ARMC3: variants seen among roughly 807,000 people sequenced by gnomAD.
ARMC3 encodes the protein armadillo repeat-containing protein 3.
Under a neutral mutation model 90.3 loss-of-function variants are expected in ARMC3, and 74 were observed. The observed-to-expected ratio is 0.82, with a 90% CI of 0.68 to 0.99. The LOEUF (loss-of-function observed/expected upper bound fraction) is 0.99. Among genes scored for constraint, ARMC3 ranks in the 50% least tolerant of loss-of-function variants. ARMC3 has a pLI of 0.00. For missense variants in ARMC3, 958 were observed against 1,042.8 expected (o/e 0.92, Z 1.12); for synonymous variants, 334 against 361.8 (o/e 0.92, Z 0.87).
Position 22,981,490 on chromosome 10 carries a change from A to T in ARMC3, c.1067A>T (p.Gln356Leu), listed in dbSNP as rs760773131. 3.7e-6 allele frequency: 6 copies of T among 1,613,470 alleles called. No homozygotes were observed. The East Asian group carries it at 8.9e-5, about 24-fold the overall frequency. The stretch of plus-strand genomic sequence containing the variant: ...GGCAGCAAAGATTTTTTCAATAATC[A>T]GGGTAAGTCAACTGGAAACAATTCT... ...NSGSKDFFNN[Q>L]GIPQLIQLLK... The change falls in exon 9 of 19, where the codon CAG becomes CTG. Residue 356 changes from glutamine (Q) to leucine (L), a missense_variant and splice_region_variant. Physicochemically the swap from Gln to Leu is moderately radical, Grantham distance 113. Coordinates refer to ENST00000298032, the MANE Select transcript of ARMC3 (RefSeq NM_173081.5).
chr10:23,001,882 C>T (rs374676740), intron 11 of ARMC3, 37 bp from the exon 12 acceptor site: 22 of 1,596,314 alleles, frequency 1.4e-5, no homozygotes, highest in African/African-American at 4.0e-5. Context: ...TTACATTCTA[C>T]ACTCTTAATG....
At chr10:22,955,686 G>T (rs376189343) in intron 3 of ARMC3, 121 bp from the exon 4 acceptor site, 1 of 1,219,044 alleles carries the variant, frequency 8.2e-7, no homozygotes. Flanking sequence ...AGGGAAATAC[G>T]AACGGAAGCC....
intron 2 of ARMC3, among the ~76,000 whole-genome samples, chr10:22,941,661 T>TAATA (rs1834334218): frequency 6.6e-6 from 1 of 152,176 alleles, no homozygotes; most frequent in African/African-American, 2.4e-5. Flanking sequence ...TTCTCTGATG[T>TAATA]AATAGAACAT....
chr10:22,949,839 G>A lies in ARMC3; in HGVS notation c.166+3578G>A, dbSNP rs557419614. 2.0e-5 allele frequency among the ~76,000 whole-genome samples: 3 copies of A among 152,108 alleles called. No individual in the cohort carries two copies. In the East Asian group the frequency reaches 5.8e-4, roughly 29 times the overall value. ...CAAATTGCTTAAAATCAGTGATAAA[G>A]AGAAAATCTTAAAAGAAGCCAGAAT... On this transcript the variant is annotated intron_variant, in intron 3 of 18. Transcript: ENST00000298032.
chr10:23,005,598 C>T (rs184394960), intron 13 of ARMC3, among the ~76,000 whole-genome samples: 1 of 152,284 alleles, frequency 6.6e-6, no homozygotes, highest in East Asian at 1.9e-4. Flanking sequence ...GGTGCGGTGG[C>T]ACACGCCTGT....
At chr10:22,944,608 T>C (rs1834453000) in intron 2 of ARMC3, among the ~76,000 whole-genome samples, 1 of 152,164 alleles carries the variant, frequency 6.6e-6, no homozygotes, top group Admixed American at 6.5e-5. Context: ...TTCCTAACTT[T>C]TCAGATTAAA....
At chr10:22,945,947 C>A in intron 2 of ARMC3, among the ~76,000 whole-genome samples, 197 bp from the exon 3 acceptor site, 1 of 152,190 alleles carries the variant, frequency 6.6e-6, no homozygotes, top group East Asian at 1.9e-4. Context: ...CCACCATACC[C>A]CAGGCATTCC....
At chr10:23,030,929 A>G (rs1838904921) in intron 17 of ARMC3, 133 bp downstream of exon 17, 1 of 995,704 alleles carries the variant, frequency 1.0e-6, no homozygotes, top group African/African-American at 1.6e-5. Flanking sequence ...TGACACAGAA[A>G]CACAATGAAT....
intron 16 of ARMC3, among the ~76,000 whole-genome samples, chr10:23,020,198 G>T (rs778586075): frequency 1.3e-5 from 2 of 152,074 alleles, no homozygotes; most frequent in Non-Finnish European, 2.9e-5. Flanking sequence ...GCATGATCTT[G>T]GCTCACTGCA....
chr10:23,023,193 G>GA (rs1180434057), intron 16 of ARMC3, among the ~76,000 whole-genome samples: 1 of 152,128 alleles, frequency 6.6e-6, no homozygotes, highest in African/African-American at 2.4e-5. Context: ...CCAGAACGGG[G>GA]AAACCCCTCG....
intron 18 of ARMC3, among the ~76,000 whole-genome samples, chr10:23,035,376 T>C (rs1050246802): frequency 5.9e-5 from 9 of 152,160 alleles, no homozygotes; most frequent in Admixed American, 5.9e-4. Context: ...ATTCAGTTCA[T>C]AGCAGGCATC....
intron 18 of ARMC3, among the ~76,000 whole-genome samples, chr10:23,033,880 T>C (rs1839022926): frequency 6.6e-6 from 1 of 152,162 alleles, no homozygotes; most frequent in South Asian, 2.1e-4. Context: ...CTGGTAATGA[T>C]GGCATTATTC....
intron 8 of ARMC3, among the ~76,000 whole-genome samples, chr10:22,974,630 G>GTTT (rs67925451): frequency 6.7e-6 from 1 of 148,796 alleles, no homozygotes. Flanking sequence ...TCTAAAATCT[G>GTTT]TTTTTTTTTG....
chr10:23,037,249 A>G (rs182229085), intron 18 of ARMC3, 21 bp from the exon 19 acceptor site: 44 of 1,560,192 alleles, frequency 2.8e-5, no homozygotes, highest in Admixed American at 7.1e-5. Flanking sequence ...CCCTTGGTTG[A>G]TCTCTTGTTT....
intron 2 of ARMC3, among the ~76,000 whole-genome samples, chr10:22,942,965 A>C (rs1348070741): frequency 6.6e-6 from 1 of 152,212 alleles, no homozygotes; most frequent in Non-Finnish European, 1.5e-5. Flanking sequence ...GAAAGAGTGA[A>C]TGTTGTATGA....
chr10:22,976,677 T>C (rs1835937259), intron 8 of ARMC3, among the ~76,000 whole-genome samples: 1 of 152,188 alleles, frequency 6.6e-6, no homozygotes, highest in South Asian at 2.1e-4. Context: ...CTTATTTGCT[T>C]ATGAATCCCA....
At chr10:22,977,744 T>C (rs1289734020) in intron 8 of ARMC3, among the ~76,000 whole-genome samples, 2 of 152,232 alleles carry the variant, frequency 1.3e-5, no homozygotes, top group Non-Finnish European at 2.9e-5. Flanking sequence ...GCCTAGGAGA[T>C]ATCTGGTCTG....
intron 6 of ARMC3, chr10:22,960,427 T>C (rs904854672): frequency 6.6e-6 from 1 of 152,060 alleles, no homozygotes; most frequent in Non-Finnish European, 1.5e-5. Flanking sequence ...AAAAGCAAAA[T>C]TCCTGGCCCA....
At chr10:23,028,015 A>G (rs1838783911) in intron 16 of ARMC3, among the ~76,000 whole-genome samples, 1 of 152,090 alleles carries the variant, frequency 6.6e-6, no homozygotes, top group African/African-American at 2.4e-5. Flanking sequence ...GGTGGCACAC[A>G]CCTGTGCTCC....
Sources: allele counts gnomAD v4.1 joint callset (sites outside exome capture counted in the v4.1 genomes callset), GRCh38; gene constraint gnomAD v4.1.1; transcripts MANE v1.5; gene names NCBI Gene and HGNC (gene_info 2026-07-23, HGNC 2026-07-21).